Variants in RARB observed in about 807,000 individuals in gnomAD.
RARB encodes the protein HBV-activated protein.
In RARB, 17 loss-of-function variants were observed where a neutral mutation model predicts 51.9. The ratio of observed to expected loss-of-function variants is 0.33; its 90% CI spans 0.22 to 0.49. The LOEUF is 0.49. Among genes scored for constraint, RARB ranks in the 20% least tolerant of loss-of-function variants. The probability of loss-of-function intolerance (pLI) is 0.99; values close to 1 mark genes in which losing one functional copy is unlikely to be tolerated. For synonymous variants in RARB, 215 were observed against 195.4 expected (o/e 1.10, Z -0.84); for missense variants, 369 against 550.8 (o/e 0.67, Z 3.30).
chr3:25,572,311 T>G (rs993423982), intron 4 of RARB, among the ~76,000 whole-genome samples: 1 of 152,186 alleles, frequency 6.6e-6, no homozygotes, highest in Non-Finnish European at 1.5e-5. Context: ...TTGTAATCAT[T>G]ATTACATCTC....
chr3:25,168,168 T>A (rs75896940), intron 4 of RARB, among the ~76,000 whole-genome samples: 4,550 of 152,258 alleles, frequency 0.03, 204 homozygotes, highest in African/African-American at 0.097. Context: ...AAAGAGTCTA[T>A]AATATAGTAA....
intron 3 of RARB, among the ~76,000 whole-genome samples, chr3:25,568,258 GT>G (rs1374699575): frequency 6.6e-6 from 1 of 152,190 alleles, no homozygotes; most frequent in Non-Finnish European, 1.5e-5. Context: ...GTGAGTCCAA[GT>G]GAGGAAGGAA....
chr3:25,167,640 G>C (rs1365620097), intron 4 of RARB, among the ~76,000 whole-genome samples: 1 of 152,188 alleles, frequency 6.6e-6, no homozygotes, highest in Non-Finnish European at 1.5e-5. Flanking sequence ...ATTTTATCTT[G>C]ATTATTGTAA....
Position 25,388,091 on chromosome 3 carries a change from A to G in RARB, c.179-73102A>G, listed in dbSNP as rs150475837. ...CCACATTAACCTCTAAATTTTACCT[A>G]TATGTTGATTTTTGACAGTGAAATA... On this transcript the variant is annotated intron_variant, in intron 5 of 11. Coordinates refer to the RARB transcript ENST00000383772. 1.2e-3 allele frequency among the ~76,000 whole-genome samples: 181 copies of G among 152,284 alleles called. 1 individual carries two copies. Among genetic ancestry groups the G allele is most frequent in the African/African-American group, 4.2e-3 (173 of 41,550 alleles).
chr3:25,374,185 T>A (rs1459101470), intron 5 of RARB, among the ~76,000 whole-genome samples: 1 of 151,982 alleles, frequency 6.6e-6, no homozygotes, highest in Non-Finnish European at 1.5e-5. Flanking sequence ...AGTCAGCACC[T>A]AGAGAGCACA....
chr3:25,563,618 A>T (rs1292843445), intron 3 of RARB, among the ~76,000 whole-genome samples: 1 of 152,234 alleles, frequency 6.6e-6, no homozygotes, highest in Non-Finnish European at 1.5e-5. Context: ...ACAATTAGTA[A>T]TAGATCCACC....
chr3:25,486,883 T>A (rs1405568452), intron 2 of RARB, among the ~76,000 whole-genome samples: 1 of 152,200 alleles, frequency 6.6e-6, no homozygotes, highest in South Asian at 2.1e-4. Flanking sequence ...TCACAGATTA[T>A]TAATTTTATT....
upstream of RARB, among the ~76,000 whole-genome samples, chr3:25,427,267 G>C (rs1708020674): frequency 6.6e-6 from 1 of 152,184 alleles, no homozygotes. Flanking sequence ...AACAGTATGA[G>C]GATGAGTCAC....
At chr3:25,419,460 C>G (rs992631495) in intron 5 of RARB, among the ~76,000 whole-genome samples, 1 of 152,154 alleles carries the variant, frequency 6.6e-6, no homozygotes, top group African/African-American at 2.4e-5. Flanking sequence ...TGGGCCTCCT[C>G]AAGCAGAGGA....
chr3:25,035,811 G>A (rs935137188), intron 2 of RARB, among the ~76,000 whole-genome samples: 3 of 152,120 alleles, frequency 2.0e-5, no homozygotes, highest in African/African-American at 7.2e-5. Context: ...GTAAAAACAG[G>A]CAATGGCTGG....
At chr3:25,330,674 A>C (rs1211468443) in intron 5 of RARB, among the ~76,000 whole-genome samples, 1 of 152,212 alleles carries the variant, frequency 6.6e-6, no homozygotes, top group African/African-American at 2.4e-5. Flanking sequence ...TACTAACCTT[A>C]AATGTAAATG....
Position 25,428,489 on chromosome 3 carries a change from A to G in RARB, c.-243A>G. 1 of 1,266,632 alleles carries G rather than the reference A, an allele frequency of 7.9e-7. No homozygotes were observed. Among genetic ancestry groups the G allele is most frequent in the Non-Finnish European group, 9.9e-7 (1 of 1,007,734 alleles). The allele number at this position is 1,266,632 out of a possible 1,614,324, so 78.5% of individuals were successfully genotyped here. Reference sequence around the variant, plus strand: ...AGGAGAACTTGGGATCTTTCTGGGAACCCCCCGCCCCGGCTGGATTGGCCG... The same window carrying G: ...AGGAGAACTTGGGATCTTTCTGGGAGCCCCCCGCCCCGGCTGGATTGGCCG... On this transcript the variant is annotated 5_prime_UTR_variant, in exon 1 of 8. Coordinates refer to ENST00000330688, the MANE Select transcript of RARB (RefSeq NM_000965.5).
intron 2 of RARB, among the ~76,000 whole-genome samples, chr3:25,481,436 C>G (rs530257342): frequency 6.6e-6 from 1 of 152,302 alleles, no homozygotes; most frequent in South Asian, 2.1e-4. Flanking sequence ...TTGAAAAACA[C>G]TGGCCAAATA....
At chr3:24,840,387 G>A (rs1702404276) in intron 1 of RARB, among the ~76,000 whole-genome samples, 1 of 152,154 alleles carries the variant, frequency 6.6e-6, no homozygotes, top group South Asian at 2.1e-4. Flanking sequence ...TTGCTTCTCT[G>A]TCTATTGCCC....
intron 3 of RARB, among the ~76,000 whole-genome samples, chr3:25,533,508 C>T (rs1652771521): frequency 6.6e-6 from 1 of 152,108 alleles, no homozygotes; most frequent in Admixed American, 6.5e-5. Flanking sequence ...GGTAGTATAG[C>T]ACATGGAATG....
In RARB at chr3:25,428,991, G is replaced by A. The variant is rs1708094029; in HGVS notation, c.157+103G>A. Reference sequence around the variant, plus strand: ...AAACTGCATTGGTAGCAAGACAAAGGATTTAATGATTTAATGCTGAAGGGG... The same window carrying A: ...AAACTGCATTGGTAGCAAGACAAAGAATTTAATGATTTAATGCTGAAGGGG... On this transcript the variant is annotated intron_variant, in intron 1 of 7. Transcript: ENST00000330688. 10 of 1,297,146 alleles carry A rather than the reference G, an allele frequency of 7.7e-6. 1 individual carries two copies. The Admixed American group carries it at 2.7e-4, about 35-fold the overall frequency. 80.4% of individuals were successfully genotyped at this position (1,297,146 alleles called of 1,614,324 possible).
At chr3:25,351,226 G>A (rs114270750) in intron 5 of RARB, among the ~76,000 whole-genome samples, 1,843 of 152,106 alleles carry the variant, frequency 0.012, 39 homozygotes, top group African/African-American at 0.042. Flanking sequence ...GGAGAGGGGC[G>A]GGCAGGCTTG....
chr3:25,575,615 A>G (rs1312088054), intron 4 of RARB, among the ~76,000 whole-genome samples: 1 of 152,014 alleles, frequency 6.6e-6, no homozygotes, highest in Non-Finnish European at 1.5e-5. Context: ...TCTCATGGTC[A>G]TCTTCTCCCT....
intron 1 of RARB, among the ~76,000 whole-genome samples, chr3:25,457,970 T>C (rs146656512): frequency 7.4e-4 from 112 of 152,278 alleles, no homozygotes; most frequent in Non-Finnish European, 1.4e-3. Context: ...TGGATGGAAG[T>C]AGAAGCACAC....
Sources: allele counts gnomAD v4.1 joint callset (sites outside exome capture counted in the v4.1 genomes callset), GRCh38; gene constraint gnomAD v4.1.1; transcripts MANE v1.5; gene names NCBI Gene and HGNC (gene_info 2026-07-23, HGNC 2026-07-21).